MACROD2: variants seen among roughly 807,000 people sequenced by gnomAD.
MACROD2 encodes the protein mono-ADP ribosylhydrolase 2, also known as ADP-ribose glycohydrolase MACROD2.
MACROD2 carries 36 observed loss-of-function variants against 70.4 expected under a neutral mutation model. That is an observed-to-expected ratio of 0.51 (90% confidence interval 0.39 to 0.68). The LOEUF (loss-of-function observed/expected upper bound fraction) is 0.68. Ranked by LOEUF, MACROD2 falls within the 30% of genes least tolerant of loss-of-function variation. The pLI is 0.00. For synonymous variants in MACROD2, 172 were observed against 178.8 expected (o/e 0.96, Z 0.30); for missense variants, 496 against 538.4 (o/e 0.92, Z 0.78).
intron 5 of MACROD2, among the ~76,000 whole-genome samples, chr20:15,040,662 T>C (rs956517293): frequency 2.0e-5 from 3 of 152,206 alleles, no homozygotes; most frequent in African/African-American, 4.8e-5. Context: ...TTTTCTTCTA[T>C]GGGTTTAACA....
chr20:14,031,601 A>G (rs1198199026), intron 2 of MACROD2, among the ~76,000 whole-genome samples: 1 of 152,180 alleles, frequency 6.6e-6, no homozygotes, highest in East Asian at 1.9e-4. Context: ...ACTGGAAATC[A>G]GTAGAGGTGA....
At chr20:15,691,566 G>T (rs780295012) in intron 8 of MACROD2, among the ~76,000 whole-genome samples, 2 of 152,172 alleles carry the variant, frequency 1.3e-5, no homozygotes, top group Non-Finnish European at 2.9e-5. Flanking sequence ...CAGTCCTGTG[G>T]CTCATGAGAA....
intron 5 of MACROD2, among the ~76,000 whole-genome samples, chr20:14,955,341 A>C: frequency 6.9e-6 from 1 of 145,274 alleles, no homozygotes; most frequent in Non-Finnish European, 1.5e-5. Context: ...ATACTATATA[A>C]TTTTTATTAT....
At chr20:15,374,832 A>T (rs948638238) in intron 6 of MACROD2, among the ~76,000 whole-genome samples, 1 of 152,244 alleles carries the variant, frequency 6.6e-6, no homozygotes, top group African/African-American at 2.4e-5. Flanking sequence ...GTAGTAATAA[A>T]GGGAAAATCC....
intron 8 of MACROD2, among the ~76,000 whole-genome samples, chr20:15,695,513 C>A (rs909165266): frequency 1.3e-5 from 2 of 151,568 alleles, no homozygotes; most frequent in Non-Finnish European, 2.9e-5. Flanking sequence ...TGGGTTCAAG[C>A]AATTCTCTTG....
intron 8 of MACROD2, among the ~76,000 whole-genome samples, chr20:15,581,234 A>G (rs896870111): frequency 6.6e-6 from 1 of 152,192 alleles, no homozygotes; most frequent in African/African-American, 2.4e-5. Flanking sequence ...CTAAGACCTG[A>G]CAAGAATATA....
intron 8 of MACROD2, among the ~76,000 whole-genome samples, chr20:15,739,641 A>G (rs949692867): frequency 1.3e-4 from 20 of 152,240 alleles, no homozygotes; most frequent in African/African-American, 3.9e-4. Flanking sequence ...CTAGGCTACA[A>G]AGAGATGAAG....
chr20:16,035,965 CAA>C (rs150436918), intron 15 of MACROD2, among the ~76,000 whole-genome samples: 4,623 of 152,076 alleles, frequency 0.03, 100 homozygotes, highest in African/African-American at 0.06. Context: ...AGCCCAGCAT[CAA>C]GAGAGAGTGA....
chr20:14,013,911 T>A (rs1486279926), intron 2 of MACROD2, among the ~76,000 whole-genome samples: 1 of 151,960 alleles, frequency 6.6e-6, no homozygotes, highest in Non-Finnish European at 1.5e-5. Context: ...CGACCTCAGG[T>A]GATCCACCTG....
At chr20:14,188,485 A>C (rs1199185130) in intron 3 of MACROD2, among the ~76,000 whole-genome samples, 1 of 152,124 alleles carries the variant, frequency 6.6e-6, no homozygotes, top group Non-Finnish European at 1.5e-5. Context: ...TTTATATGAT[A>C]ATTCTGTATA....
intron 2 of MACROD2, among the ~76,000 whole-genome samples, chr20:14,080,442 CAAAAAAAA>C (rs61598345): frequency 1.6e-5 from 1 of 64,060 alleles, no homozygotes; most frequent in African/African-American, 6.3e-5. Context: ...AACCCCGTCT[CAAAAAAAA>C]AAAAAAAAAA....
At chr20:15,492,329 C>A (rs79321854) in intron 7 of MACROD2, among the ~76,000 whole-genome samples, 1,468 of 140,778 alleles carry the variant, frequency 0.01, 20 homozygotes, top group African/African-American at 0.036. Context: ...AATGTATTGC[C>A]CAGTACCTGC....
chr20:14,866,645 A>G (rs2073430749), intron 5 of MACROD2, among the ~76,000 whole-genome samples: 1 of 152,116 alleles, frequency 6.6e-6, no homozygotes, highest in Non-Finnish European at 1.5e-5. Flanking sequence ...TTCAGGAACA[A>G]TACAATCCCC....
chr20:14,513,985 A>G (rs569527068), intron 4 of MACROD2, among the ~76,000 whole-genome samples: 3 of 152,234 alleles, frequency 2.0e-5, no homozygotes, highest in Admixed American at 6.5e-5. Flanking sequence ...ATTTTTAGCC[A>G]TGGGCTTCAT....
At chr20:15,172,861 G>T (rs1177788431) in intron 5 of MACROD2, among the ~76,000 whole-genome samples, 1 of 152,202 alleles carries the variant, frequency 6.6e-6, no homozygotes, top group Non-Finnish European at 1.5e-5. Flanking sequence ...GCATTACTGT[G>T]TATGTGGCTT....
intron 8 of MACROD2, among the ~76,000 whole-genome samples, chr20:15,684,306 C>A (rs2050198845): frequency 6.6e-6 from 1 of 152,152 alleles, no homozygotes; most frequent in Non-Finnish European, 1.5e-5. Context: ...AAATCTCAGA[C>A]CCCATGACAG....
intron 8 of MACROD2, among the ~76,000 whole-genome samples, chr20:15,715,749 G>A (rs781684245): frequency 2.6e-5 from 4 of 152,020 alleles, no homozygotes; most frequent in Non-Finnish European, 5.9e-5. Flanking sequence ...CTGATAATTG[G>A]AACGAGTACA....
chr20:15,206,830 G>T (rs527919013), intron 5 of MACROD2, among the ~76,000 whole-genome samples: 1 of 144,692 alleles, frequency 6.9e-6, no homozygotes, highest in African/African-American at 2.6e-5. Flanking sequence ...TCCACCTCCC[G>T]GGTTCACGCC....
Position 15,200,498 on chromosome 20 carries a change from A to C in MACROD2, c.419-29442A>C, listed in dbSNP as rs1419215071. The stretch of plus-strand genomic sequence containing the variant: ...TCATGTTTAAATTTCTAAATGGCTA[A>C]GCAACATGTGCCACTCTCTGAGTAG... On this transcript the variant is annotated intron_variant, in intron 5 of 17. Transcript: ENST00000684519. Among the ~76,000 whole-genome samples the C allele has an allele frequency of 2.0e-5, 3 of 152,210 alleles. No homozygotes were observed. In the South Asian group the frequency reaches 6.2e-4, roughly 31 times the overall value.
Sources: gnomAD v4.1 joint callset for allele counts (sites outside exome capture counted in the v4.1 genomes callset) on GRCh38, gnomAD v4.1.1 for gene constraint, MANE v1.5 for transcripts, NCBI Gene and HGNC (gene_info 2026-07-23, HGNC 2026-07-21) for gene names.